Variants in CTNNA3 observed in about 807,000 individuals in gnomAD.
CTNNA3 encodes the protein catenin alpha-3.
Under a neutral mutation model 95.7 loss-of-function variants are expected in CTNNA3, and 76 were observed. The ratio of observed to expected loss-of-function variants is 0.79; its 90% CI spans 0.66 to 0.96. The LOEUF is 0.96. Among genes scored for constraint, CTNNA3 ranks in the 40% least tolerant of loss-of-function variants. The probability of loss-of-function intolerance (pLI) is 0.00; values close to 1 mark genes in which losing one functional copy is unlikely to be tolerated. For synonymous variants in CTNNA3, 431 were observed against 374.4 expected, an observed-to-expected ratio of 1.15 and a Z score of -1.74; for missense variants, 1,191 against 1,089.8, an observed-to-expected ratio of 1.09 and a Z score of -1.31.
intron 9 of CTNNA3, among the ~76,000 whole-genome samples, chr10:66,664,029 A>G (rs1846354643): frequency 6.6e-6 from 1 of 152,090 alleles, no homozygotes; most frequent in Admixed American, 6.6e-5. Context: ...GAACCTCTGT[A>G]GCCATTTCAA....
At chr10:66,736,786 A>G (rs1849158583) in intron 9 of CTNNA3, among the ~76,000 whole-genome samples, 1 of 152,060 alleles carries the variant, frequency 6.6e-6, no homozygotes, top group Non-Finnish European at 1.5e-5. Flanking sequence ...CAGTGTTTTC[A>G]GAGAGATGTG....
At chr10:66,584,920 A>C (rs1178893713) in intron 10 of CTNNA3, among the ~76,000 whole-genome samples, 1 of 151,984 alleles carries the variant, frequency 6.6e-6, no homozygotes, top group East Asian at 1.9e-4. Context: ...TCTGAGAAAA[A>C]CTATTTCTCC....
In CTNNA3 at chr10:67,172,281, C is replaced by G. The variant is rs192128634; in HGVS notation, c.1047+8036G>C. Among the ~76,000 whole-genome samples the G allele has an allele frequency of 7.6e-4, 115 of 152,290 alleles. 2 individuals are homozygous for G. The highest frequency in any genetic ancestry group is 7.1e-3 in the Admixed American group (108 of 15,290). Reference sequence around the variant, plus strand: ...ACAGTTTTTATCATGTTCCATTTCACGTACTTGTCTGTTTGATTCTCCTTG... The same window carrying G: ...ACAGTTTTTATCATGTTCCATTTCAGGTACTTGTCTGTTTGATTCTCCTTG... On this transcript the variant is annotated intron_variant, in intron 7 of 17. Coordinates refer to ENST00000433211, the MANE Select transcript of CTNNA3 (RefSeq NM_013266.4).
intron 7 of CTNNA3, among the ~76,000 whole-genome samples, chr10:66,923,656 ATC>A (rs1381100348): frequency 5.3e-5 from 8 of 152,236 alleles, no homozygotes; most frequent in Admixed American, 5.2e-4. Flanking sequence ...AAGACAAGAT[ATC>A]TGTGAAAAGT....
At chr10:66,179,068 A>T (rs1290301471) in intron 13 of CTNNA3, among the ~76,000 whole-genome samples, 2 of 152,010 alleles carry the variant, frequency 1.3e-5, no homozygotes, top group Non-Finnish European at 2.9e-5. Flanking sequence ...TCCCAGAGAA[A>T]ATAAAAGCTA....
At chr10:66,357,525 A>T (rs2092620300) in intron 12 of CTNNA3, among the ~76,000 whole-genome samples, 1 of 152,042 alleles carries the variant, frequency 6.6e-6, no homozygotes, top group Non-Finnish European at 1.5e-5. Context: ...GCAACCACTA[A>T]TCTGCTTTCT....
chr10:66,777,794 CACAT>C (rs1021820976), intron 7 of CTNNA3, among the ~76,000 whole-genome samples: 5 of 114,196 alleles, frequency 4.4e-5, no homozygotes, highest in African/African-American at 1.5e-4. Flanking sequence ...CACACACACA[CACAT>C]GCACACACAC....
intron 7 of CTNNA3, among the ~76,000 whole-genome samples, chr10:66,997,175 C>A (rs550934298): frequency 6.6e-6 from 1 of 152,036 alleles, no homozygotes; most frequent in African/African-American, 2.4e-5. Context: ...GCAAAACAAC[C>A]CTTTGTATTA....
intron 1 of CTNNA3, among the ~76,000 whole-genome samples, chr10:67,743,641 G>T (rs572726701): frequency 6.6e-6 from 1 of 151,424 alleles, no homozygotes; most frequent in Admixed American, 6.6e-5. Flanking sequence ...AGTGTTGAAA[G>T]TTCAGGCCAG....
At chr10:67,150,279 C>A (rs962206448) in intron 7 of CTNNA3, among the ~76,000 whole-genome samples, 2 of 152,078 alleles carry the variant, frequency 1.3e-5, no homozygotes, top group African/African-American at 2.4e-5. Context: ...TAAGGTACTT[C>A]AATATCTACT....
intron 9 of CTNNA3, among the ~76,000 whole-genome samples, chr10:66,688,710 G>A (rs1008471242): frequency 6.6e-6 from 1 of 152,058 alleles, no homozygotes; most frequent in Non-Finnish European, 1.5e-5. Context: ...GGTGGCTCAC[G>A]CCTGTAATCC....
chr10:67,680,092 A>G (rs1029920768), intron 1 of CTNNA3, among the ~76,000 whole-genome samples: 10 of 152,220 alleles, frequency 6.6e-5, no homozygotes, highest in Admixed American at 4.6e-4. Context: ...ATTGAGTAAC[A>G]GTAGGAGAGA....
intron 5 of CTNNA3, among the ~76,000 whole-genome samples, chr10:67,416,014 T>C (rs1213629735): frequency 1.3e-5 from 2 of 152,122 alleles, no homozygotes; most frequent in Non-Finnish European, 2.9e-5. Context: ...GATTAAACAT[T>C]TAAATGTAAA....
intron 10 of CTNNA3, among the ~76,000 whole-genome samples, chr10:66,611,878 A>G (rs1273466497): frequency 6.6e-6 from 1 of 152,000 alleles, no homozygotes; most frequent in Admixed American, 6.6e-5. Context: ...TTTGCTCTTT[A>G]GCAATCTCAT....
chr10:66,504,906 A>T (rs145515539), intron 11 of CTNNA3, among the ~76,000 whole-genome samples: 42 of 152,318 alleles, frequency 2.8e-4, no homozygotes, highest in Admixed American at 2.5e-3. Context: ...TATCATTCAC[A>T]GCCTTTGTCA....
intron 10 of CTNNA3, among the ~76,000 whole-genome samples, chr10:66,618,673 C>T (rs1019844438): frequency 9.9e-5 from 15 of 152,066 alleles, no homozygotes; most frequent in African/African-American, 3.4e-4. Flanking sequence ...GTCTAAAACA[C>T]CTAAAGCAAT....
rs1845512004 is a variant in CTNNA3, at chr10:66,641,388, C to T, written c.1282-19604G>A. Among the ~76,000 whole-genome samples the T allele has an allele frequency of 2.0e-5, 3 of 151,830 alleles. No homozygotes were observed. In the South Asian group the frequency reaches 6.2e-4, roughly 32 times the overall value. On this transcript the variant is annotated intron_variant, in intron 9 of 17. Coordinates refer to ENST00000433211, the MANE Select transcript of CTNNA3 (RefSeq NM_013266.4). ...ATTATGTCTCAACCCACATAATCTC[C>T]CTAAAATGGGTCTACACTCTTTCCA... is the stretch of plus-strand genomic sequence containing the variant.
chr10:65,993,567 A>C (rs921954785), intron 15 of CTNNA3, among the ~76,000 whole-genome samples: 1 of 152,194 alleles, frequency 6.6e-6, no homozygotes, highest in African/African-American at 2.4e-5. Flanking sequence ...AGAGATACTT[A>C]TGCTCACTTT....
chr10:66,298,653 T>C (rs2091817590), intron 12 of CTNNA3, among the ~76,000 whole-genome samples: 1 of 152,144 alleles, frequency 6.6e-6, no homozygotes, highest in African/African-American at 2.4e-5. Flanking sequence ...CCTTTCACTC[T>C]TTAAGCCAAA....
Sources: allele counts gnomAD v4.1 joint callset (sites outside exome capture counted in the v4.1 genomes callset), GRCh38; gene constraint gnomAD v4.1.1; transcripts MANE v1.5; gene names NCBI Gene and HGNC (gene_info 2026-07-23, HGNC 2026-07-21).